The following RBPMS2 variants were observed in gnomAD, a reference collection of about 807,000 sequenced individuals.
RBPMS2 encodes RNA binding protein, mRNA processing factor 2.
A neutral mutation model predicts 25.7 loss-of-function variants in RBPMS2; 14 were observed. The ratio of observed to expected loss-of-function variants is 0.55; its 90% CI spans 0.36 to 0.85. The LOEUF (loss-of-function observed/expected upper bound fraction) is 0.85, where lower values mean the gene tolerates loss of function less well. RBPMS2 is among the 40% of genes least tolerant of loss of function. RBPMS2 has a pLI of 0.01. For synonymous variants in RBPMS2, 127 were observed against 115.6 expected (o/e 1.10, Z -0.63); for missense variants, 252 against 283.4 (o/e 0.89, Z 0.80).
chr15:64,762,277 C>A (rs184618670), intron 1 of RBPMS2: 1 of 461,962 alleles, frequency 2.2e-6, no homozygotes, highest in Admixed American at 2.3e-5. Context: ...AGGCCAACGA[C>A]GAGACTGACT....
chr15:64,746,068 AG>A (rs1326764051), intron 6 of RBPMS2, among the ~76,000 whole-genome samples: 3 of 152,166 alleles, frequency 2.0e-5, no homozygotes, highest in Admixed American at 2.0e-4. Flanking sequence ...CAGCACTGTC[AG>A]GGGGCAAGCA....
At chr15:64,758,176 G>A (rs1331119081) in intron 1 of RBPMS2, among the ~76,000 whole-genome samples, 4 of 152,118 alleles carry the variant, frequency 2.6e-5, no homozygotes, top group Admixed American at 6.6e-5. Context: ...ACAATCTCAG[G>A]CTGCTGGAAG....
In RBPMS2 at chr15:64,749,437, C is replaced by T. The variant is rs758101877; in HGVS notation, c.261G>A (p.Ala87=). The part of the protein sequence containing the change: ...SRAGAEAAKN[A]LNGIRFDPEN... ...CTGTTCTCCACCTACTCACGTTCAGCGCATTCTTGGCCGCTTCTGCTCCTG... is the reference window on the plus strand; with the variant it reads ...CTGTTCTCCACCTACTCACGTTCAGTGCATTCTTGGCCGCTTCTGCTCCTG... Residue 87 remains alanine (A), a synonymous_variant, in exon 4 of 8, where the codon GCG becomes GCA. Transcript: ENST00000300069. The T allele has an allele frequency of 1.9e-6, 3 of 1,613,304 alleles. No homozygotes were observed. The highest frequency in any genetic ancestry group is 1.3e-5 in the African/African-American group (1 of 75,014).
chr15:64,752,358 C>T (rs1330582772), intron 1 of RBPMS2, among the ~76,000 whole-genome samples: 1 of 152,062 alleles, frequency 6.6e-6, no homozygotes, highest in Non-Finnish European at 1.5e-5. Flanking sequence ...GAAACAGAGT[C>T]CCATGCCCAC....
intron 1 of RBPMS2, among the ~76,000 whole-genome samples, chr15:64,769,805 C>T (rs899644445): frequency 5.9e-5 from 9 of 152,214 alleles, no homozygotes; most frequent in African/African-American, 9.6e-5. Context: ...TGGGATGCCA[C>T]CAGCCCAAAG....
At chr15:64,773,931 CAA>C (rs2083909495) in intron 1 of RBPMS2, among the ~76,000 whole-genome samples, 1 of 152,236 alleles carries the variant, frequency 6.6e-6, no homozygotes, top group Non-Finnish European at 1.5e-5. Flanking sequence ...GGAGCCCAAA[CAA>C]ATCCACCACA....
intron 6 of RBPMS2, 42 bp downstream of exon 6, chr15:64,748,377 A>G: frequency 4.4e-6 from 7 of 1,600,724 alleles, no homozygotes; most frequent in Non-Finnish European, 6.0e-6. Flanking sequence ...TGGCCAGCTA[A>G]GAGCCCTTGT....
At chr15:64,749,288 G>A in intron 4 of RBPMS2, 138 bp from the exon 5 acceptor site, 1 of 1,321,494 alleles carries the variant, frequency 7.6e-7, no homozygotes, top group South Asian at 1.2e-5. Context: ...AGGAAAGGCA[G>A]CTCAGGCCTT....
chr15:64,753,404 T>C (rs2083701467), intron 1 of RBPMS2, among the ~76,000 whole-genome samples: 1 of 152,186 alleles, frequency 6.6e-6, no homozygotes, highest in African/African-American at 2.4e-5. Flanking sequence ...AGACGATGGC[T>C]TTTATCAGTG....
At chr15:64,760,803 G>A (rs1230039358) in intron 1 of RBPMS2, among the ~76,000 whole-genome samples, 3 of 139,118 alleles carry the variant, frequency 2.2e-5, no homozygotes, top group Non-Finnish European at 4.7e-5. Context: ...ACTCCATCTC[G>A]AAAAAAAAAA....
rs1486231969 is a variant in RBPMS2, at chr15:64,748,405, C to T, written c.567+14G>A. 3 of 1,613,130 alleles carry T rather than the reference C, an allele frequency of 1.9e-6. No individual in the cohort carries two copies. In the South Asian group the frequency reaches 3.3e-5, roughly 18 times the overall value. On this transcript the variant is annotated intron_variant, in intron 6 of 7. Coordinates refer to ENST00000300069, the MANE Select transcript of RBPMS2 (RefSeq NM_194272.3). ...GCCCTTGTTCTTCGCCCTCCCCAAC[C>T]TTAAAGGGCTTACCTGAGCGTGGAG...
intron 6 of RBPMS2, 85 bp downstream of exon 6, chr15:64,748,334 G>T: frequency 1.4e-6 from 2 of 1,397,172 alleles, no homozygotes; most frequent in Non-Finnish European, 9.9e-7. Flanking sequence ...CTCTGGGACA[G>T]CAGCGGCCAA....
intron 1 of RBPMS2, among the ~76,000 whole-genome samples, chr15:64,765,284 G>A (rs2083835626): frequency 6.7e-6 from 1 of 149,106 alleles, no homozygotes; most frequent in Non-Finnish European, 1.5e-5. Flanking sequence ...GCGTGTTGGT[G>A]TGCACCTGTA....
At position 64,740,423 on chromosome 15, in the gene RBPMS2, A is replaced by G. The variant is rs1018416275; in HGVS notation, c.*585T>C. On this transcript the variant is annotated 3_prime_UTR_variant, in exon 8 of 8. Coordinates refer to ENST00000300069, the MANE Select transcript of RBPMS2 (RefSeq NM_194272.3). The stretch of plus-strand genomic sequence containing the variant: ...AGCGGAGGAGCCCCATGTGAAATGA[A>G]AAAGCAAACCCCATCTATCTGTTGG... 6.6e-6 allele frequency: 1 copy of G among 151,912 alleles called. No individual in the cohort carries two copies. The highest frequency in any genetic ancestry group is 1.5e-5 in the Non-Finnish European group (1 of 68,022). 9.4% of individuals were successfully genotyped at this position (151,912 alleles called of 1,614,324 possible).
At chr15:64,744,798 G>GTTTTTTTT (rs748967917) in intron 6 of RBPMS2, among the ~76,000 whole-genome samples, 21 of 46,292 alleles carry the variant, frequency 4.5e-4, no homozygotes, top group African/African-American at 7.4e-4. Flanking sequence ...GGTTTGTTTT[G>GTTTTTTTT]TTTTTTTTTT....
In RBPMS2 at chr15:64,775,289, C is replaced by T; in HGVS notation, c.31G>A (p.Gly11Ser). The change falls in exon 1 of 8, where the codon GGC becomes AGC. Residue 11 changes from glycine (G) to serine (S), a missense_variant. Physicochemically the swap from Gly to Ser is moderately conservative, Grantham distance 56. Coordinates refer to ENST00000300069, the MANE Select transcript of RBPMS2 (RefSeq NM_194272.3). MSNLKPDGEH[G>S]GSTGTGSGAG... ...CCGGAGCCGGTGCCGGTGCTGCCGCCGTGCTCGCCGTCCGGCTTCAGGTTG... is the reference window on the plus strand; with the variant it reads ...CCGGAGCCGGTGCCGGTGCTGCCGCTGTGCTCGCCGTCCGGCTTCAGGTTG... 1 of 1,353,238 alleles carries T rather than the reference C, an allele frequency of 7.4e-7. No individual in the cohort carries two copies. The highest frequency in any genetic ancestry group is 9.6e-7 in the Non-Finnish European group (1 of 1,045,746). The allele number at this position is 1,353,238 out of a possible 1,614,324, so 83.8% of individuals were successfully genotyped here.
chr15:64,764,293 A>C (rs2083821289), intron 1 of RBPMS2, among the ~76,000 whole-genome samples: 1 of 152,138 alleles, frequency 6.6e-6, no homozygotes, highest in Non-Finnish European at 1.5e-5. Context: ...TACAGAAGGG[A>C]CTAGATTCAA....
At chr15:64,768,507 G>A (rs967420802) in intron 1 of RBPMS2, among the ~76,000 whole-genome samples, 5 of 151,940 alleles carry the variant, frequency 3.3e-5, no homozygotes, top group South Asian at 2.1e-4. Flanking sequence ...GTGTGGTAGC[G>A]GGTGCCTGTA....
At chr15:64,758,515 G>A (rs1458248023) in intron 1 of RBPMS2, among the ~76,000 whole-genome samples, 1 of 152,210 alleles carries the variant, frequency 6.6e-6, no homozygotes, top group East Asian at 1.9e-4. Flanking sequence ...GGCAAGGAAC[G>A]TGGCCAGGGT....
Sources: allele counts gnomAD v4.1 joint callset (sites outside exome capture counted in the v4.1 genomes callset), GRCh38; gene constraint gnomAD v4.1.1; transcripts MANE v1.5; gene names NCBI Gene and HGNC (gene_info 2026-07-23, HGNC 2026-07-21).